GUCA1C: variants seen among roughly 807,000 people sequenced by gnomAD.
The protein encoded by GUCA1C is guanylyl cyclase-activating protein 3.
In GUCA1C, 15 loss-of-function variants were observed where a neutral mutation model predicts 16.2. The observed-to-expected ratio is 0.93, with a 90% CI of 0.62 to 1.43. The LOEUF is 1.43. Among genes scored for constraint, GUCA1C ranks in the 40% most tolerant of loss-of-function variants. The pLI is 0.00. For synonymous variants in GUCA1C, 78 were observed against 85.4 expected, an observed-to-expected ratio of 0.91 and a Z score of 0.48; for missense variants, 275 against 244.8, an observed-to-expected ratio of 1.12 and a Z score of -0.82.
chr3:108,953,109 A>G (rs757940943), intron 1 of GUCA1C, among the ~76,000 whole-genome samples: 5 of 152,200 alleles, frequency 3.3e-5, no homozygotes, highest in Non-Finnish European at 7.4e-5. Flanking sequence ...AGTACAGACA[A>G]CATGTTGGCT....
chr3:108,935,998 C>T (rs2593915), intron 1 of GUCA1C, among the ~76,000 whole-genome samples: 38,331 of 151,950 alleles, frequency 0.25, 5,388 homozygotes, highest in Middle Eastern at 0.36. Flanking sequence ...GGTGTGGCGG[C>T]TTATGCTTGT....
chr3:108,940,194 G>T (rs528798256), intron 1 of GUCA1C, among the ~76,000 whole-genome samples: 56 of 152,320 alleles, frequency 3.7e-4, no homozygotes, highest in Admixed American at 6.5e-4. Context: ...ACCCTTAAGA[G>T]ATTGCAACTT....
At chr3:108,941,862 G>C (rs530854502) in intron 1 of GUCA1C, among the ~76,000 whole-genome samples, 37 of 152,294 alleles carry the variant, frequency 2.4e-4, no homozygotes, top group African/African-American at 8.7e-4. Flanking sequence ...GTGTAGTCCT[G>C]ACGACTGTTT....
chr3:108,920,241 C>A (rs1946556314), intron 2 of GUCA1C, among the ~76,000 whole-genome samples, 195 bp downstream of exon 2: 1 of 152,064 alleles, frequency 6.6e-6, no homozygotes, highest in Non-Finnish European at 1.5e-5. Context: ...GTGGACTGCA[C>A]CAAGAAGAAA....
intron 1 of GUCA1C, 104 bp downstream of exon 1, chr3:108,953,455 G>T: frequency 1.4e-6 from 1 of 728,674 alleles, no homozygotes; most frequent in Non-Finnish European, 2.4e-6. Context: ...CATTCAGTGG[G>T]ATGTACACAT....
At chr3:108,919,611 T>C (rs563124541) in intron 2 of GUCA1C, among the ~76,000 whole-genome samples, 6 of 152,334 alleles carry the variant, frequency 3.9e-5, no homozygotes, top group African/African-American at 1.4e-4. Flanking sequence ...TACATTTTTA[T>C]CTGCTTTGAA....
intron 1 of GUCA1C, among the ~76,000 whole-genome samples, chr3:108,938,331 T>C (rs1946750361): frequency 6.6e-6 from 1 of 152,184 alleles, no homozygotes; most frequent in Admixed American, 6.5e-5. Context: ...ATGACACTTT[T>C]CAATGACATT....
At chr3:108,918,903 T>C (rs1000144566) in intron 2 of GUCA1C, among the ~76,000 whole-genome samples, 7 of 152,186 alleles carry the variant, frequency 4.6e-5, no homozygotes, top group Admixed American at 2.0e-4. Context: ...TTTTTTAAAA[T>C]TTTTTGCTAT....
intron 1 of GUCA1C, among the ~76,000 whole-genome samples, chr3:108,932,925 A>C (rs1946685215): frequency 1.2e-5 from 1 of 85,214 alleles, no homozygotes; most frequent in African/African-American, 4.7e-5. Flanking sequence ...AAAAAATCTC[A>C]AAAAAAAAAA....
chr3:108,931,431 C>T (rs891389790), intron 1 of GUCA1C, among the ~76,000 whole-genome samples: 1 of 152,218 alleles, frequency 6.6e-6, no homozygotes, highest in Admixed American at 6.5e-5. Context: ...CCTGGTTAAT[C>T]AAACCTTTCT....
At chr3:108,950,252 C>T (rs1027155575) in intron 1 of GUCA1C, among the ~76,000 whole-genome samples, 57 of 152,190 alleles carry the variant, frequency 3.7e-4, no homozygotes. Flanking sequence ...AATAGTATTC[C>T]ATTGCATATA....
At chr3:108,950,671 G>T (rs536074850) in intron 1 of GUCA1C, among the ~76,000 whole-genome samples, 131 of 152,172 alleles carry the variant, frequency 8.6e-4, no homozygotes, top group African/African-American at 3.0e-3. Context: ...TTTATTTTAA[G>T]CACTATCCTA....
chr3:108,908,813 C>G (rs982054395), intron 3 of GUCA1C, among the ~76,000 whole-genome samples: 1 of 152,202 alleles, frequency 6.6e-6, no homozygotes, highest in African/African-American at 2.4e-5. Flanking sequence ...ATCCATGTGT[C>G]CTGGCTGCCA....
At chr3:108,934,415 T>G (rs2953346) in intron 1 of GUCA1C, among the ~76,000 whole-genome samples, 38,270 of 152,108 alleles carry the variant, frequency 0.25, 5,362 homozygotes, top group Middle Eastern at 0.36. Context: ...ATACTGTTGG[T>G]GGGGATGTAA....
chr3:108,949,004 C>T (rs138512924), intron 1 of GUCA1C, among the ~76,000 whole-genome samples: 2,629 of 152,130 alleles, frequency 0.017, 83 homozygotes, highest in African/African-American at 0.06. Context: ...CCCACCACCA[C>T]GCCCGGCTAA....
intron 1 of GUCA1C, among the ~76,000 whole-genome samples, chr3:108,930,791 C>T (rs1435476925): frequency 6.6e-6 from 1 of 152,184 alleles, no homozygotes; most frequent in African/African-American, 2.4e-5. Context: ...CTTTTCGCTG[C>T]TTGCCTTTCC....
chr3:108,919,936 G>A (rs1013642018), intron 2 of GUCA1C, among the ~76,000 whole-genome samples: 2 of 151,978 alleles, frequency 1.3e-5, no homozygotes, highest in African/African-American at 4.8e-5. Flanking sequence ...TACTCCATTG[G>A]GGTGGTGGTA....
intron 1 of GUCA1C, among the ~76,000 whole-genome samples, chr3:108,929,834 T>C (rs1158426718): frequency 2.0e-5 from 3 of 152,176 alleles, no homozygotes; most frequent in Non-Finnish European, 4.4e-5. Flanking sequence ...TAATAGGAAC[T>C]GGTTGATATT....
intron 2 of GUCA1C, among the ~76,000 whole-genome samples, chr3:108,919,827 T>G (rs1420782226): frequency 6.6e-6 from 1 of 152,184 alleles, no homozygotes; most frequent in Non-Finnish European, 1.5e-5. Context: ...TTCATAATAT[T>G]AATTACACCT....
Sources: allele counts gnomAD v4.1 joint callset (sites outside exome capture counted in the v4.1 genomes callset), GRCh38; gene constraint gnomAD v4.1.1; transcripts MANE v1.5; gene names NCBI Gene and HGNC (gene_info 2026-07-23, HGNC 2026-07-21).